KIRREL3: variants seen among roughly 807,000 people sequenced by gnomAD.
The protein encoded by KIRREL3 is kirre like nephrin family adhesion molecule 3.
KIRREL3 carries 36 observed loss-of-function variants against 89.7 expected under a neutral mutation model. The observed-to-expected ratio is 0.40, with a 90% CI of 0.31 to 0.53. The LOEUF (loss-of-function observed/expected upper bound fraction) is 0.53. KIRREL3 is among the 20% of genes least tolerant of loss of function. The pLI, the probability that KIRREL3 is intolerant of heterozygous loss-of-function variation, is 0.49. For missense variants in KIRREL3, 864 were observed against 1,056.6 expected (o/e 0.82, Z 2.53); for synonymous variants, 445 against 441.4 (o/e 1.01, Z -0.10).
chr11:126,612,401 C>T lies in KIRREL3; in HGVS notation c.56-49489G>A, dbSNP rs1025358882. On this transcript the variant is annotated intron_variant, in intron 1 of 16. Transcript: ENST00000525144. This position sits in a 1 kb window ranked among gnomAD's most constrained non-coding sequence, Gnocchi z 4.5. ...GTCAATTTGGATTAATTTTCTTGAT[C>T]TCATACTTGTGTTCTCTATGCATCC... Among the ~76,000 whole-genome samples, 2 of 152,182 alleles carry T rather than the reference C, an allele frequency of 1.3e-5. No homozygotes were observed. The highest frequency in any genetic ancestry group is 1.3e-4 in the Admixed American group (2 of 15,288).
chr11:126,680,080 G>A (rs1591947224), intron 1 of KIRREL3, among the ~76,000 whole-genome samples: 1 of 152,288 alleles, frequency 6.6e-6, no homozygotes, highest in Non-Finnish European at 1.5e-5. Flanking sequence ...AACATTCCAA[G>A]TGTGCAATTG....
At position 126,555,001 on chromosome 11, in the gene KIRREL3, C is replaced by G. The variant is rs781375536; in HGVS notation, c.133+7834G>C. 2.0e-5 allele frequency among the ~76,000 whole-genome samples: 3 copies of G among 152,188 alleles called. No homozygotes were observed. Among genetic ancestry groups the G allele is most frequent in the Non-Finnish European group, 4.4e-5 (3 of 68,030 alleles). Reference sequence around the variant, plus strand: ...ATGATTGCCTTCTTCCTGCACCATCCCCTTTCCAACTCCTCATTCCGCCAA... The same window carrying G: ...ATGATTGCCTTCTTCCTGCACCATCGCCTTTCCAACTCCTCATTCCGCCAA... On this transcript the variant is annotated intron_variant, in intron 2 of 16. Coordinates refer to ENST00000525144, the MANE Select transcript of KIRREL3 (RefSeq NM_032531.4). This position sits in a 1 kb window ranked among gnomAD's most constrained non-coding sequence, Gnocchi z 4.2.
rs1209702671 is a variant in KIRREL3, at chr11:126,970,058, G to A, written c.55+30397C>T. Among the ~76,000 whole-genome samples, 4 of 152,208 alleles carry A rather than the reference G, an allele frequency of 2.6e-5. No homozygotes were observed. Among genetic ancestry groups the A allele is most frequent in the African/African-American group, 7.2e-5 (3 of 41,442 alleles). The stretch of plus-strand genomic sequence containing the variant: ...AATTAGCCTTCTTCTACCAGTCACA[G>A]CCAAGCTGCCCTAGGTTGTCACCTA... On this transcript the variant is annotated intron_variant, in intron 1 of 16. Coordinates refer to ENST00000525144, the MANE Select transcript of KIRREL3 (RefSeq NM_032531.4). The surrounding 1 kb of genome is among the most constrained non-coding windows in gnomAD (Gnocchi z 4.4).
intron 1 of KIRREL3, among the ~76,000 whole-genome samples, chr11:126,826,530 T>C (rs571951576): frequency 6.6e-6 from 1 of 152,196 alleles, no homozygotes; most frequent in African/African-American, 2.4e-5. Flanking sequence ...ACATTATTTC[T>C]GCTTTCGACT....
rs565496263 is a variant in KIRREL3 at position 126,525,093 on chromosome 11, TG to T, written c.283+1444del. Among the ~76,000 whole-genome samples the T allele has an allele frequency of 7.3e-3, 1,110 of 152,270 alleles. 12 individuals are homozygous for T. Among genetic ancestry groups the T allele is most frequent in the Middle Eastern group, 0.01 (3 of 294 alleles). The stretch of plus-strand genomic sequence containing the variant: ...GATCCCAGAAAGCCATTCATGGCAC[TG>T]GATGCTAGAGGGTCAGTTATCCATG... On this transcript the variant is annotated intron_variant, in intron 3 of 16. Transcript: ENST00000525144. This position sits in a 1 kb window ranked among gnomAD's most constrained non-coding sequence, Gnocchi z 5.4.
In KIRREL3 at chr11:126,797,650, G is replaced by A. The variant is rs1000058005; in HGVS notation, c.55+202805C>T. 6.6e-5 allele frequency among the ~76,000 whole-genome samples: 10 copies of A among 152,084 alleles called. No individual in the cohort carries two copies. Among genetic ancestry groups the A allele is most frequent in the African/African-American group, 2.4e-4 (10 of 41,400 alleles). On this transcript the variant is annotated intron_variant, in intron 1 of 16. Transcript: ENST00000525144. The surrounding 1 kb of genome is among the most constrained non-coding windows in gnomAD (Gnocchi z 4.9). Reference sequence around the variant, plus strand: ...GGGCTTCTGATGGGGCCCTGGCAGCGGGAGTCTCAGCATCCAAGCACAATC... The same window carrying A: ...GGGCTTCTGATGGGGCCCTGGCAGCAGGAGTCTCAGCATCCAAGCACAATC...
Position 126,724,480 on chromosome 11 carries a change from C to T in KIRREL3, c.56-161568G>A, listed in dbSNP as rs1948300955. Reference sequence around the variant, plus strand: ...GGTTCGGAGCCATGTCACTCCCTATCAGCCCTCTCCAAACATCCAGGCAGG... The same window carrying T: ...GGTTCGGAGCCATGTCACTCCCTATTAGCCCTCTCCAAACATCCAGGCAGG... On this transcript the variant is annotated intron_variant, in intron 1 of 16. Transcript: ENST00000525144. This position sits in a 1 kb window ranked among gnomAD's most constrained non-coding sequence, Gnocchi z 4.3. 6.6e-6 allele frequency among the ~76,000 whole-genome samples: 1 copy of T among 152,304 alleles called. No individual in the cohort carries two copies. The highest frequency in any genetic ancestry group is 2.1e-4 in the South Asian group (1 of 4,820).
chr11:126,715,555 T>C lies in KIRREL3; in HGVS notation c.56-152643A>G, dbSNP rs10736552. 0.79 allele frequency among the ~76,000 whole-genome samples: 120,888 copies of C among 152,100 alleles called. 49,361 individuals carry two copies. The highest frequency in any genetic ancestry group is 0.99 in the East Asian group (5,131 of 5,178). On this transcript the variant is annotated intron_variant, in intron 1 of 16. Coordinates refer to ENST00000525144, the MANE Select transcript of KIRREL3 (RefSeq NM_032531.4). The surrounding 1 kb of genome is among the most constrained non-coding windows in gnomAD (Gnocchi z 4.4). ...AGCTTTTACAGTGACAGGGAAGAAATATTGCAGGCTGCTTGAGAAAATGCA... is the reference window on the plus strand; with the variant it reads ...AGCTTTTACAGTGACAGGGAAGAAACATTGCAGGCTGCTTGAGAAAATGCA...
chr11:126,521,469 G>A lies in KIRREL3; in HGVS notation c.284-5C>T. ...CCACCAGGTACTGTGGGTAACCTGT[G>A]GAGACAACAGGCAGGTCAGGGAGCT... On this transcript the variant is annotated splice_region_variant and splice_polypyrimidine_tract_variant and intron_variant, in intron 3 of 16. Coordinates refer to ENST00000525144, the MANE Select transcript of KIRREL3 (RefSeq NM_032531.4). This position sits in a 1 kb window ranked among gnomAD's most constrained non-coding sequence, Gnocchi z 4.1. 6.3e-7 allele frequency: 1 copy of A among 1,579,346 alleles called. No homozygotes were observed.
chr11:126,425,584 A>C, intron 16 of KIRREL3, 54 bp downstream of exon 16: 8 of 1,418,706 alleles, frequency 5.6e-6, no homozygotes, highest in Non-Finnish European at 7.8e-6. Flanking sequence ...TTGGGCCATC[A>C]GAGCTAAAGA....
At chr11:126,449,224 C>T (rs1051497628) in intron 7 of KIRREL3, 67 bp from the exon 8 acceptor site, 43 of 1,557,014 alleles carry the variant, frequency 2.8e-5, no homozygotes, top group African/African-American at 9.5e-5. Flanking sequence ...GAGCTGGACA[C>T]ATCCATCCCA....
chr11:126,887,421 G>A (rs1945741836), intron 1 of KIRREL3, among the ~76,000 whole-genome samples: 1 of 152,112 alleles, frequency 6.6e-6, no homozygotes, highest in South Asian at 2.1e-4. Context: ...GCTTTCCAAG[G>A]AGAATTCTCC....
chr11:126,899,400 C>T (rs560525003), intron 1 of KIRREL3, among the ~76,000 whole-genome samples: 173 of 152,174 alleles, frequency 1.1e-3, no homozygotes, highest in African/African-American at 2.8e-3. Context: ...TGATAATAGC[C>T]GTAAAAGAAA....
At chr11:126,438,215 T>C (rs971463556) in intron 11 of KIRREL3, among the ~76,000 whole-genome samples, 1 of 152,224 alleles carries the variant, frequency 6.6e-6, no homozygotes, top group African/African-American at 2.4e-5. Flanking sequence ...TGTGTGATGT[T>C]GTATGTCTGT....
Position 126,477,048 on chromosome 11 carries a change from C to T in KIRREL3, c.434-3582G>A, listed in dbSNP as rs1957087011. ...AAAAAAATGGCATTAACTGTTGGGG[C>T]ACTGAAGCCTGGGGAGGACTGAGCG... On this transcript the variant is annotated intron_variant, in intron 4 of 16. Coordinates refer to ENST00000525144, the MANE Select transcript of KIRREL3 (RefSeq NM_032531.4). The surrounding 1 kb of genome is among the most constrained non-coding windows in gnomAD (Gnocchi z 4.8). Among the ~76,000 whole-genome samples, 1 of 152,200 alleles carries T rather than the reference C, an allele frequency of 6.6e-6. No individual in the cohort carries two copies. The highest frequency in any genetic ancestry group is 6.5e-5 in the Admixed American group (1 of 15,282).
intron 1 of KIRREL3, among the ~76,000 whole-genome samples, chr11:126,967,948 G>A (rs1432555828): frequency 2.0e-5 from 3 of 152,290 alleles, no homozygotes; most frequent in South Asian, 2.1e-4. Context: ...CAGATTTATA[G>A]TAAGAGGACA....
chr11:126,862,045 T>C (rs1014656776), intron 1 of KIRREL3, among the ~76,000 whole-genome samples: 7 of 152,218 alleles, frequency 4.6e-5, no homozygotes, highest in Non-Finnish European at 7.4e-5. Context: ...TTAGCGGCCC[T>C]GAGGAATGAA....
chr11:126,450,895 G>T (rs917085726), intron 7 of KIRREL3, among the ~76,000 whole-genome samples: 1 of 150,580 alleles, frequency 6.6e-6, no homozygotes, highest in Non-Finnish European at 1.5e-5. Context: ...GCATGTGCGT[G>T]TGTGCATGTG....
Position 126,594,722 on chromosome 11 carries a change from A to G in KIRREL3, c.56-31810T>C, listed in dbSNP as rs933645374. The stretch of plus-strand genomic sequence containing the variant: ...GCTCCTGGCCAACTCTCCTCTGTCC[A>G]GCCGCAGGTCCTCATAGAAAGGCAG... On this transcript the variant is annotated intron_variant, in intron 1 of 16. Coordinates refer to ENST00000525144, the MANE Select transcript of KIRREL3 (RefSeq NM_032531.4). The surrounding 1 kb of genome is among the most constrained non-coding windows in gnomAD (Gnocchi z 5.0). 2.0e-5 allele frequency among the ~76,000 whole-genome samples: 3 copies of G among 152,222 alleles called. No individual in the cohort carries two copies. The highest frequency in any genetic ancestry group is 4.4e-5 in the Non-Finnish European group (3 of 68,048).
Sources: allele counts gnomAD v4.1 joint callset (sites outside exome capture counted in the v4.1 genomes callset), GRCh38; gene constraint gnomAD v4.1.1; non-coding constraint Gnocchi (gnomAD v3.1); transcripts MANE v1.5; gene names NCBI Gene and HGNC (gene_info 2026-07-23, HGNC 2026-07-21).